The following TMEM132B variants were observed in gnomAD, a reference collection of about 807,000 sequenced individuals.
TMEM132B encodes transmembrane protein 132B.
A neutral mutation model predicts 90.8 loss-of-function variants in TMEM132B; 18 were observed. That is an observed-to-expected ratio of 0.20 (90% CI 0.14 to 0.29). The LOEUF (loss-of-function observed/expected upper bound fraction) is 0.29. Among genes scored for constraint, TMEM132B ranks in the 10% least tolerant of loss-of-function variants. TMEM132B has a pLI of 1.00. For missense variants in TMEM132B, 1,096 were observed against 1,326.8 expected, an observed-to-expected ratio of 0.83 and a Z score of 2.70; for synonymous variants, 504 against 523.3, an observed-to-expected ratio of 0.96 and a Z score of 0.50.
intron 4 of TMEM132B, among the ~76,000 whole-genome samples, chr12:125,577,911 C>T (rs77202984): frequency 0.019 from 2,883 of 152,080 alleles, 33 homozygotes; most frequent in Non-Finnish European, 0.03. Context: ...TACAGATATT[C>T]TTAATTTCCA....
intron 6 of TMEM132B, among the ~76,000 whole-genome samples, chr12:125,646,318 T>C (rs1886763854): frequency 1.3e-5 from 2 of 152,206 alleles, no homozygotes; most frequent in Non-Finnish European, 2.9e-5. Flanking sequence ...TTGGAAGGGC[T>C]ATGAGACAAA....
At chr12:125,403,287 G>T (rs1879370413) in intron 2 of TMEM132B, among the ~76,000 whole-genome samples, 1 of 152,058 alleles carries the variant, frequency 6.6e-6, no homozygotes, top group African/African-American at 2.4e-5. Flanking sequence ...CCTCTGGCTG[G>T]TGGCCCCTCA....
At chr12:125,220,731 T>C (rs1217016016) in intron 1 of TMEM132B, among the ~76,000 whole-genome samples, 1 of 152,182 alleles carries the variant, frequency 6.6e-6, no homozygotes, top group Non-Finnish European at 1.5e-5. Flanking sequence ...TCTACCCTCG[T>C]CCTGCTGTGT....
At chr12:125,586,990 C>T (rs1468312873) in intron 5 of TMEM132B, 1 of 151,946 alleles carries the variant, frequency 6.6e-6, no homozygotes, top group Non-Finnish European at 1.5e-5. Context: ...AAGTTAAGGC[C>T]ACAGTGTGTG....
intron 3 of TMEM132B, among the ~76,000 whole-genome samples, chr12:125,424,635 G>A (rs528884801): frequency 1.1e-4 from 17 of 152,288 alleles, no homozygotes; most frequent in Middle Eastern, 3.4e-3. Context: ...CAGGCCTAGC[G>A]GAATGCCAGA....
intron 3 of TMEM132B, among the ~76,000 whole-genome samples, chr12:125,477,137 C>A (rs1212256806): frequency 2.6e-5 from 4 of 152,150 alleles, no homozygotes; most frequent in Admixed American, 6.5e-5. Flanking sequence ...CAGCCCCATG[C>A]AAATGATAAT....
chr12:125,621,702 A>G (rs541640081), intron 5 of TMEM132B, among the ~76,000 whole-genome samples: 1 of 152,256 alleles, frequency 6.6e-6, no homozygotes, highest in African/African-American at 2.4e-5. Flanking sequence ...AGATGAACCT[A>G]TTTCTTACCT....
chr12:125,254,161 T>A (rs774735857), intron 1 of TMEM132B, among the ~76,000 whole-genome samples: 1 of 152,044 alleles, frequency 6.6e-6, no homozygotes, highest in South Asian at 2.1e-4. Context: ...CTGTGGTGCA[T>A]GTCTGTGGTC....
At chr12:125,222,188 C>T (rs1873574192) in intron 1 of TMEM132B, among the ~76,000 whole-genome samples, 1 of 152,118 alleles carries the variant, frequency 6.6e-6, no homozygotes, top group African/African-American at 2.4e-5. Flanking sequence ...TTGTGACTCC[C>T]AGGGGACAAT....
At chr12:125,375,353 TAGC>T (rs1878441766) in intron 2 of TMEM132B, among the ~76,000 whole-genome samples, 2 of 152,214 alleles carry the variant, frequency 1.3e-5, no homozygotes, top group African/African-American at 4.8e-5. Flanking sequence ...GCCATTTTAT[TAGC>T]TGCTTTCAGG....
intron 1 of TMEM132B, among the ~76,000 whole-genome samples, chr12:125,228,517 C>G (rs1873734315): frequency 6.6e-6 from 1 of 152,214 alleles, no homozygotes. Context: ...TGCCGTGCTT[C>G]TGTTTTGACC....
chr12:125,310,110 G>A (rs1344297243), intron 1 of TMEM132B, among the ~76,000 whole-genome samples: 1 of 152,164 alleles, frequency 6.6e-6, no homozygotes, highest in Non-Finnish European at 1.5e-5. Flanking sequence ...GCCTCACAAG[G>A]CCCATGGAGT....
At chr12:125,247,426 G>C (rs916821156) in intron 1 of TMEM132B, among the ~76,000 whole-genome samples, 1 of 152,056 alleles carries the variant, frequency 6.6e-6, no homozygotes. Flanking sequence ...CAGATGATGC[G>C]ACATGAACCC....
intron 3 of TMEM132B, among the ~76,000 whole-genome samples, chr12:125,462,678 T>C (rs1881469158): frequency 1.3e-5 from 2 of 152,160 alleles, no homozygotes; most frequent in African/African-American, 4.8e-5. Flanking sequence ...GGAGTAGATG[T>C]TGACATATCT....
chr12:125,336,896 C>T lies in TMEM132B; in HGVS notation c.68-12556C>T, dbSNP rs182527401. ...CTGTCAAGATTACTCAGTGAATTTT[C>T]CTCTCTTATTTAAACAGTCTCCAAG... is the stretch of plus-strand genomic sequence containing the variant. On this transcript the variant is annotated intron_variant, in intron 1 of 8. Transcript: ENST00000682704. Among the ~76,000 whole-genome samples the T allele has an allele frequency of 4.6e-5, 7 of 152,294 alleles. No homozygotes were observed. In the East Asian group the frequency reaches 1.2e-3, roughly 25 times the overall value.
intron 4 of TMEM132B, 98 bp from the exon 5 acceptor site, chr12:125,583,753 G>A (rs940678054): frequency 7.1e-7 from 1 of 1,406,356 alleles, no homozygotes; most frequent in Non-Finnish European, 9.8e-7. Context: ...ATCGCAGAAC[G>A]AGAATGAAGG....
chr12:125,501,937 G>A (rs1345355637), intron 3 of TMEM132B, among the ~76,000 whole-genome samples: 1 of 152,196 alleles, frequency 6.6e-6, no homozygotes, highest in African/African-American at 2.4e-5. Flanking sequence ...TTCCAGTTGT[G>A]TGAAAATAGG....
intron 2 of TMEM132B, among the ~76,000 whole-genome samples, chr12:125,392,971 T>C (rs1010878251): frequency 6.6e-6 from 1 of 152,192 alleles, no homozygotes; most frequent in Admixed American, 6.5e-5. Context: ...GCTTCCCTCC[T>C]GCGTAGCCTG....
At chr12:125,493,543 C>T (rs936829846) in intron 3 of TMEM132B, among the ~76,000 whole-genome samples, 3 of 152,056 alleles carry the variant, frequency 2.0e-5, no homozygotes, top group Non-Finnish European at 4.4e-5. Context: ...TTCCACTCAC[C>T]TTCCTCTCTT....
Sources: allele counts gnomAD v4.1 joint callset (sites outside exome capture counted in the v4.1 genomes callset), GRCh38; gene constraint gnomAD v4.1.1; transcripts MANE v1.5; gene names NCBI Gene and HGNC (gene_info 2026-07-23, HGNC 2026-07-21).